The following CACNA1D variants were observed in gnomAD, a reference collection of about 807,000 sequenced individuals.
CACNA1D encodes calcium voltage-gated channel subunit alpha1 D.
In CACNA1D, 55 loss-of-function variants were observed where a neutral mutation model predicts 257.1. The observed-to-expected ratio is 0.21, with a 90% CI of 0.17 to 0.27. CACNA1D has a LOEUF of 0.27. Ranked by LOEUF, CACNA1D falls within the 10% of genes least tolerant of loss-of-function variation. The probability of loss-of-function intolerance (pLI) is 1.00; values close to 1 mark genes in which losing one functional copy is unlikely to be tolerated. For synonymous variants in CACNA1D, 980 were observed against 1,014.9 expected (o/e 0.97, Z 0.65); for missense variants, 1,876 against 2,784.0 (o/e 0.67, Z 7.34).
chr3:53,805,197 C>T, intron 45 of CACNA1D, 51 bp downstream of exon 45: 1 of 1,568,766 alleles, frequency 6.4e-7, no homozygotes, highest in Non-Finnish European at 8.7e-7. Context: ...AACAGTGTAC[C>T]TCTCCCCCAA....
rs1421574622 is a variant in CACNA1D, at chr3:53,793,605, C to T, written c.4924-6644C>T. Among the ~76,000 whole-genome samples, 1 of 152,180 alleles carries T rather than the reference C, an allele frequency of 6.6e-6. No individual in the cohort carries two copies. The highest frequency in any genetic ancestry group is 1.5e-5 in the Non-Finnish European group (1 of 68,042). On this transcript the variant is annotated intron_variant, in intron 40 of 47. Transcript: ENST00000350061. The surrounding 1 kb of genome is among the most constrained non-coding windows in gnomAD (Gnocchi z 4.1). ...ACAAGTGACCACTTTCTAGATGGGA[C>T]TTAGGGAGTGATTTAAATGGAACAA...
intron 8 of CACNA1D, among the ~76,000 whole-genome samples, chr3:53,700,777 A>C (rs751430761): frequency 6.6e-6 from 1 of 151,782 alleles, no homozygotes; most frequent in Non-Finnish European, 1.5e-5. Flanking sequence ...AACAGGACCA[A>C]GGATAGGTTC....
chr3:53,719,079 G>A lies in CACNA1D; in HGVS notation c.1479-676G>A, dbSNP rs546365851. ...GAATGTGCTGGGCACTGTCTGCCGT[G>A]GGGGAGCCCTGTGCGGTTTGGTTTT... On this transcript the variant is annotated intron_variant, in intron 10 of 47. Transcript: ENST00000350061. Among the ~76,000 whole-genome samples, 6 of 152,254 alleles carry A rather than the reference G, an allele frequency of 3.9e-5. No individual in the cohort carries two copies. In the South Asian group the frequency reaches 1.2e-3, roughly 32 times the overall value.
At chr3:53,572,331 C>T (rs998039186) in intron 3 of CACNA1D, among the ~76,000 whole-genome samples, 5 of 152,000 alleles carry the variant, frequency 3.3e-5, no homozygotes, top group African/African-American at 1.2e-4. Flanking sequence ...TCGAAATCAT[C>T]AACTTTTTTG....
In CACNA1D at chr3:53,495,444, G is replaced by C. The variant is rs1575666826; in HGVS notation, c.67+211G>C. Among the ~76,000 whole-genome samples, 1 of 152,206 alleles carries C rather than the reference G, an allele frequency of 6.6e-6. No individual in the cohort carries two copies. Among genetic ancestry groups the C allele is most frequent in the African/African-American group, 2.4e-5 (1 of 41,456 alleles). On this transcript the variant is annotated intron_variant, in intron 1 of 47. Coordinates refer to ENST00000350061, the MANE Select transcript of CACNA1D (RefSeq NM_001128840.3). This position sits in a 1 kb window ranked among gnomAD's most constrained non-coding sequence, Gnocchi z 5.1. ...ATGTCAGAGTTAATTCTGCATTTGT[G>C]GGGTGGGGGCGGCCGTGGAGTGTGT...
chr3:53,506,245 A>T (rs557308030), intron 3 of CACNA1D, among the ~76,000 whole-genome samples: 14 of 152,214 alleles, frequency 9.2e-5, no homozygotes, highest in African/African-American at 3.1e-4. Context: ...CTTCTCTGAT[A>T]CTTGTCCACT....
intron 3 of CACNA1D, among the ~76,000 whole-genome samples, chr3:53,565,812 T>G (rs141726016): frequency 6.6e-6 from 1 of 152,212 alleles, no homozygotes; most frequent in Non-Finnish European, 1.5e-5. Context: ...TGTGGTTTGG[T>G]ACTTAATACT....
chr3:53,614,313 G>T (rs2093614181), intron 3 of CACNA1D, among the ~76,000 whole-genome samples: 1 of 152,136 alleles, frequency 6.6e-6, no homozygotes, highest in South Asian at 2.1e-4. Flanking sequence ...GTCCTGTGCT[G>T]GTAGAACTTG....
At chr3:53,672,896 T>C in intron 7 of CACNA1D, 127 bp from the exon 8 acceptor site, 1 of 672,260 alleles carries the variant, frequency 1.5e-6, no homozygotes, top group East Asian at 2.9e-5. Context: ...TTGGCTACTG[T>C]TGTTTCTGAT....
rs116259816 is a variant in CACNA1D at position 53,502,255 on chromosome 3, G to T, written c.483+535G>T. 6.0e-3 allele frequency among the ~76,000 whole-genome samples: 918 copies of T among 152,060 alleles called. 12 individuals carry two copies. Among genetic ancestry groups the T allele is most frequent in the African/African-American group, 0.021 (882 of 41,514 alleles). On this transcript the variant is annotated intron_variant, in intron 3 of 47. Coordinates refer to ENST00000350061, the MANE Select transcript of CACNA1D (RefSeq NM_001128840.3). The stretch of plus-strand genomic sequence containing the variant: ...ATTGAATACATGATATAATATTAAA[G>T]TTTCTACTCCACGTCCTATGAAATG...
At chr3:53,745,938 C>A in intron 25 of CACNA1D, 63 bp downstream of exon 25, 1 of 1,256,016 alleles carries the variant, frequency 8.0e-7, no homozygotes, top group Non-Finnish European at 1.2e-6. Context: ...CAAGGATTCA[C>A]ACATGTTGGC....
At chr3:53,712,755 A>T (rs1299930866) in intron 9 of CACNA1D, among the ~76,000 whole-genome samples, 2 of 152,138 alleles carry the variant, frequency 1.3e-5, no homozygotes, top group Non-Finnish European at 2.9e-5. Context: ...GGCTGCTTGG[A>T]GGTGGAAGGA....
rs2107950134 is a variant in CACNA1D, at chr3:53,610,187, TG to T, written c.484-40590del. Among the ~76,000 whole-genome samples the T allele has an allele frequency of 1.3e-5, 2 of 152,322 alleles. 1 individual carries two copies. Among genetic ancestry groups the T allele is most frequent in the South Asian group, 4.1e-4 (2 of 4,822 alleles). On this transcript the variant is annotated intron_variant, in intron 3 of 47. Transcript: ENST00000350061. ...ATCTTGGTAGATATTCCATATTAAC[TG>T]GAAAATCATGTTTATTGGGCTGTTA...
At chr3:53,792,749 C>G (rs924295830) in intron 40 of CACNA1D, among the ~76,000 whole-genome samples, 2 of 152,160 alleles carry the variant, frequency 1.3e-5, no homozygotes, top group Non-Finnish European at 2.9e-5. Context: ...GCCTCAGGGT[C>G]TTTTCCAGTG....
rs549376209 is a variant in CACNA1D, at chr3:53,708,035, C to CT, written c.1390+5226dup. On this transcript the variant is annotated intron_variant, in intron 9 of 47. Coordinates refer to ENST00000350061, the MANE Select transcript of CACNA1D (RefSeq NM_001128840.3). The stretch of plus-strand genomic sequence containing the variant: ...TGGAGGCTATGGGCACTGCCCCTGC[C>CT]TGCCCGGGGACTCTGCCACCCTGGG... 2.1e-3 allele frequency among the ~76,000 whole-genome samples: 321 copies of CT among 152,366 alleles called. 8 individuals are homozygous for CT. In the South Asian group the frequency reaches 0.053, roughly 25 times the overall value.
Position 53,800,149 on chromosome 3 carries a change from TCCTC to T in CACNA1D, c.4924-97_4924-94del, listed in dbSNP as rs2095528896. On this transcript the variant is annotated intron_variant, in intron 40 of 47. Coordinates refer to ENST00000350061, the MANE Select transcript of CACNA1D (RefSeq NM_001128840.3). The surrounding 1 kb of genome is among the most constrained non-coding windows in gnomAD (Gnocchi z 4.3). ...CCTGGATTGGCTTTTGGGGAAGCCT[TCCTC>T]CCCACCGCTGAATCAGGAAGGAGCA... 1.6e-5 allele frequency: 14 copies of T among 864,640 alleles called. No homozygotes were observed. Among genetic ancestry groups the T allele is most frequent in the Non-Finnish European group, 2.0e-5 (10 of 498,028 alleles). The allele number at this position is 864,640 out of a possible 1,614,324, so 53.6% of individuals were successfully genotyped here. A position where few individuals can be genotyped will look rare whatever the true frequency, so the allele number is the denominator to read the frequency against.
intron 35 of CACNA1D, 99 bp from the exon 36 acceptor site, chr3:53,776,504 G>A: frequency 7.1e-7 from 1 of 1,407,414 alleles, no homozygotes; most frequent in Non-Finnish European, 1.0e-6. Flanking sequence ...GGAGACATGG[G>A]TTCCCATGTT....
At chr3:53,792,113 G>T (rs1221978612) in intron 40 of CACNA1D, 1 of 152,160 alleles carries the variant, frequency 6.6e-6, no homozygotes, top group Admixed American at 6.5e-5. Context: ...GTTTTCCTTT[G>T]ATCTCTTTTC....
intron 44 of CACNA1D, among the ~76,000 whole-genome samples, chr3:53,803,947 G>A (rs939047109): frequency 2.6e-5 from 4 of 152,112 alleles, no homozygotes; most frequent in South Asian, 2.1e-4. Context: ...CTGTGTGGAC[G>A]GCGGCTTGGC....
Sources: allele counts gnomAD v4.1 joint callset (sites outside exome capture counted in the v4.1 genomes callset), GRCh38; gene constraint gnomAD v4.1.1; non-coding constraint Gnocchi (gnomAD v3.1); transcripts MANE v1.5; gene names NCBI Gene and HGNC (gene_info 2026-07-23, HGNC 2026-07-21).